KLHL1: variants seen among roughly 807,000 people sequenced by gnomAD.
KLHL1 encodes kelch like family member 1, also known as kelch-like protein 1.
Under a neutral mutation model 77.7 loss-of-function variants are expected in KLHL1, and 47 were observed. That is an observed-to-expected ratio of 0.60 (90% CI 0.48 to 0.77). The LOEUF (loss-of-function observed/expected upper bound fraction) is 0.77, where lower values mean the gene tolerates loss of function less well. KLHL1 is among the 30% of genes least tolerant of loss of function. KLHL1 has a pLI of 0.00. For missense variants in KLHL1, 925 were observed against 910.8 expected, an observed-to-expected ratio of 1.02 and a Z score of -0.20; for synonymous variants, 360 against 325.2, an observed-to-expected ratio of 1.11 and a Z score of -1.15.
At chr13:69,706,675 T>A (rs953791881) in intron 10 of KLHL1, among the ~76,000 whole-genome samples, 1 of 152,062 alleles carries the variant, frequency 6.6e-6, no homozygotes, top group East Asian at 1.9e-4. Flanking sequence ...TTGAACAGTA[T>A]CTTACTTTTA....
intron 8 of KLHL1, among the ~76,000 whole-genome samples, chr13:69,728,925 T>C (rs1349346185): frequency 1.3e-5 from 2 of 152,100 alleles, no homozygotes; most frequent in Non-Finnish European, 1.5e-5. Flanking sequence ...AAGGGGGTGG[T>C]ACTACATATT....
chr13:69,809,499 A>C (rs1382832251), intron 6 of KLHL1, among the ~76,000 whole-genome samples: 1 of 152,164 alleles, frequency 6.6e-6, no homozygotes, highest in Non-Finnish European at 1.5e-5. Context: ...TCCCCAGTCA[A>C]GCAATCAATA....
At chr13:69,853,232 G>A (rs3012109) in intron 5 of KLHL1, among the ~76,000 whole-genome samples, 140,265 of 151,694 alleles carry the variant, frequency 0.92, 65,050 homozygotes, top group East Asian at 0.99. Context: ...GGACCCAGTG[G>A]GAAGTAGTTA....
intron 4 of KLHL1, among the ~76,000 whole-genome samples, chr13:69,899,261 G>GT (rs1412508626): frequency 5.3e-5 from 8 of 152,152 alleles, no homozygotes; most frequent in Admixed American, 5.2e-4. Context: ...AATCCAGGTG[G>GT]TTGTGCAAGC....
At chr13:69,756,239 C>G (rs937242846) in intron 7 of KLHL1, among the ~76,000 whole-genome samples, 1 of 152,030 alleles carries the variant, frequency 6.6e-6, no homozygotes, top group Non-Finnish European at 1.5e-5. Flanking sequence ...AACTCTGTGG[C>G]AGTTATTGAT....
chr13:69,944,975 CTTCTTT>C (rs1187069345), intron 3 of KLHL1, among the ~76,000 whole-genome samples: 1 of 136,532 alleles, frequency 7.3e-6, no homozygotes, highest in African/African-American at 2.7e-5. Context: ...AACTATAAAA[CTTCTTT>C]TTTTTTTTTT....
At chr13:69,956,797 CAAG>C (rs1201954400) in intron 3 of KLHL1, among the ~76,000 whole-genome samples, 1 of 151,510 alleles carries the variant, frequency 6.6e-6, no homozygotes, top group Non-Finnish European at 1.5e-5. Flanking sequence ...TGATCTATCT[CAAG>C]AAGATTTTAC....
intron 1 of KLHL1, among the ~76,000 whole-genome samples, chr13:70,064,700 A>G (rs1046702205): frequency 2.6e-5 from 4 of 152,210 alleles, no homozygotes; most frequent in Non-Finnish European, 4.4e-5. Flanking sequence ...AAAAAAATAC[A>G]GAAATACAAT....
intron 5 of KLHL1, among the ~76,000 whole-genome samples, chr13:69,873,017 A>G (rs1880641495): frequency 6.6e-6 from 1 of 152,194 alleles, no homozygotes; most frequent in Non-Finnish European, 1.5e-5. Context: ...ATGCAGTTTA[A>G]CTTTGAATAG....
chr13:69,929,844 G>T (rs572067073), intron 4 of KLHL1, among the ~76,000 whole-genome samples: 1 of 151,706 alleles, frequency 6.6e-6, no homozygotes, highest in East Asian at 1.9e-4. Context: ...TAAAACAATG[G>T]CAACTCTTGA....
chr13:70,080,386 T>C (rs571902124), intron 1 of KLHL1, among the ~76,000 whole-genome samples: 11 of 152,304 alleles, frequency 7.2e-5, no homozygotes, highest in African/African-American at 2.6e-4. Context: ...AGGAACGATC[T>C]TTAAAATTAA....
intron 4 of KLHL1, among the ~76,000 whole-genome samples, chr13:69,936,545 C>T (rs1163306028): frequency 2.7e-5 from 4 of 147,280 alleles, no homozygotes; most frequent in East Asian, 4.0e-4. Flanking sequence ...GTGGAGATTA[C>T]GCCTCTGCAC....
At chr13:70,012,239 GTCTT>G (rs1359232164) in intron 1 of KLHL1, among the ~76,000 whole-genome samples, 1 of 152,046 alleles carries the variant, frequency 6.6e-6, no homozygotes, top group Non-Finnish European at 1.5e-5. Context: ...TTTGCTCTCT[GTCTT>G]CCTTCCTTTC....
chr13:69,904,631 G>A (rs1031971757), intron 4 of KLHL1, among the ~76,000 whole-genome samples: 6 of 152,078 alleles, frequency 3.9e-5, no homozygotes, highest in African/African-American at 1.4e-4. Context: ...AATCTATGTG[G>A]CCATTCATGA....
At chr13:70,069,173 C>A (rs1170891517) in intron 1 of KLHL1, among the ~76,000 whole-genome samples, 1 of 152,104 alleles carries the variant, frequency 6.6e-6, no homozygotes, top group Non-Finnish European at 1.5e-5. Context: ...CTCCCACAAG[C>A]CCCATACGCT....
Position 69,971,823 on chromosome 13 carries a change from T to C in KLHL1, c.680+3797A>G, listed in dbSNP as rs1884389777. Among the ~76,000 whole-genome samples, 3 of 152,084 alleles carry C rather than the reference T, an allele frequency of 2.0e-5. No individual in the cohort carries two copies. In the South Asian group the frequency reaches 6.2e-4, roughly 31 times the overall value. On this transcript the variant is annotated intron_variant, in intron 2 of 10. Transcript: ENST00000377844. The stretch of plus-strand genomic sequence containing the variant: ...AAAACATTATGTTTTATAATCATTA[T>C]GCATCATCAACAGGGCATAGGCCAA...
chr13:69,946,983 A>G (rs1883546463), intron 3 of KLHL1, among the ~76,000 whole-genome samples: 1 of 151,598 alleles, frequency 6.6e-6, no homozygotes, highest in Non-Finnish European at 1.5e-5. Context: ...CATATTTTTA[A>G]TATCTTAAAA....
chr13:69,950,976 TA>T (rs1013450901), intron 3 of KLHL1, among the ~76,000 whole-genome samples: 7 of 151,602 alleles, frequency 4.6e-5, no homozygotes, highest in East Asian at 1.9e-4. Flanking sequence ...ATATTTAAAA[TA>T]TTTTGAATAC....
At position 70,080,457 on chromosome 13, in the gene KLHL1, C is replaced by T. The variant is rs75849568; in HGVS notation, c.497+26746G>A. ...CCAGATAAACCTAGAGGCTCTATTT[C>T]CTCTTTGCTGGATGTTCTGTTTTCA... On this transcript the variant is annotated intron_variant, in intron 1 of 10. Coordinates refer to ENST00000377844, the MANE Select transcript of KLHL1 (RefSeq NM_020866.3). Among the ~76,000 whole-genome samples, 774 of 152,196 alleles carry T rather than the reference C, an allele frequency of 5.1e-3. 4 individuals carry two copies. The highest frequency in any genetic ancestry group is 9.1e-3 in the Non-Finnish European group (621 of 67,986).
Sources: gnomAD v4.1 joint callset for allele counts (sites outside exome capture counted in the v4.1 genomes callset) on GRCh38, gnomAD v4.1.1 for gene constraint, MANE v1.5 for transcripts, NCBI Gene and HGNC (gene_info 2026-07-23, HGNC 2026-07-21) for gene names.